STAG2: variants seen among roughly 807,000 people sequenced by gnomAD.
The protein encoded by STAG2 is cohesin subunit SA-2.
Under a neutral mutation model 108.1 loss-of-function variants are expected in STAG2, and 14 were observed. The ratio of observed to expected loss-of-function variants is 0.13; its 90% confidence interval spans 0.09 to 0.20. The LOEUF (loss-of-function observed/expected upper bound fraction) is 0.20. Ranked by LOEUF, STAG2 falls within the 10% of genes least tolerant of loss-of-function variation. The probability of loss-of-function intolerance (pLI) is 1.00; values close to 1 mark genes in which losing one functional copy is unlikely to be tolerated. For missense variants in STAG2, 440 were observed against 940.9 expected (o/e 0.47, Z 6.96); for synonymous variants, 307 against 302.7 (o/e 1.01, Z -0.15).
In STAG2 at chrX:123,968,765, AACTT is replaced by A. The variant is rs764071914; in HGVS notation, c.-163+6911_-163+6914del. Reference sequence around the variant, plus strand: ...TTTTGAAACCTGAAGCATTCTAAGAAACTTAATTTAACTGCTATTTAAGTTCCTA... The same window carrying A: ...TTTTGAAACCTGAAGCATTCTAAGAAAATTTAACTGCTATTTAAGTTCCTA... On this transcript the variant is annotated intron_variant, in intron 1 of 34. Coordinates refer to ENST00000371145, the MANE Select transcript of STAG2 (RefSeq NM_001042750.2). Among the ~76,000 whole-genome samples the A allele has an allele frequency of 6.1e-3, 685 of 112,602 alleles. 8 individuals carry two copies. The highest frequency in any genetic ancestry group is 0.021 in the African/African-American group (652 of 30,987).
chrX:123,982,592 G>A (rs897716926), intron 1 of STAG2, among the ~76,000 whole-genome samples: 6 of 110,894 alleles, frequency 5.4e-5, no homozygotes, highest in African/African-American at 2.0e-4. Context: ...TCACCATGTT[G>A]GCCAGGCTGG....
At chrX:124,043,895 G>A (rs536274663) in intron 7 of STAG2, among the ~76,000 whole-genome samples, 6 of 111,454 alleles carry the variant, frequency 5.4e-5, no homozygotes, top group African/African-American at 2.0e-4. Context: ...CTTCAAGGAA[G>A]GGATTTGGGT....
intron 1 of STAG2, among the ~76,000 whole-genome samples, chrX:123,974,576 T>C: frequency 1.1e-5 from 1 of 94,198 alleles, no homozygotes; most frequent in East Asian, 3.9e-4. Context: ...GTTGATACCT[T>C]CTTTTTTTTT....
intron 1 of STAG2, among the ~76,000 whole-genome samples, chrX:123,966,397 G>T (rs1205920526): frequency 1.8e-5 from 2 of 109,918 alleles, no homozygotes; most frequent in Non-Finnish European, 3.8e-5. Flanking sequence ...GGGAGGCAGA[G>T]GTTGCAGTGA....
intron 1 of STAG2, among the ~76,000 whole-genome samples, chrX:123,993,928 G>A (rs1355388109): frequency 9.0e-6 from 1 of 111,611 alleles, no homozygotes; most frequent in Non-Finnish European, 1.9e-5. Context: ...TAGGCATTAT[G>A]GGGGAGTTAC....
At chrX:124,033,006 TA>T (rs2057394955) in intron 5 of STAG2, among the ~76,000 whole-genome samples, 1 of 112,594 alleles carries the variant, frequency 8.9e-6, no homozygotes, top group African/African-American at 3.2e-5. Context: ...AAATACTTGT[TA>T]ATTGTTTGAG....
chrX:123,999,917 GTTTTTTTTT>G (rs1227997327), intron 1 of STAG2, among the ~76,000 whole-genome samples: 1 of 101,966 alleles, frequency 9.8e-6, no homozygotes, highest in African/African-American at 3.6e-5. Context: ...CCCGGCCATA[GTTTTTTTTT>G]TTTTTTATTT....
Position 124,051,326 on chromosome X carries a change from G to A in STAG2, c.1128G>A (p.Val376=), listed in dbSNP as rs1195054557. The A allele has an allele frequency of 5.0e-6, 6 of 1,199,921 alleles. No individual in the cohort carries two copies. The highest frequency in any genetic ancestry group is 6.7e-6 in the Non-Finnish European group (6 of 888,999). The change falls in exon 13 of 35, where the codon GTG becomes GTA. Residue 376 remains valine, a synonymous_variant. Coordinates refer to ENST00000371145, the MANE Select transcript of STAG2 (RefSeq NM_001042750.2). ...TTTTTTGTCCTTAGGATAGAATTGT[G>A]TCTATGACCCTTGACAAAGAATATG... The part of the protein sequence containing the change: ...LFTSRFKDRI[V]SMTLDKEYDV...
intron 1 of STAG2, among the ~76,000 whole-genome samples, chrX:124,018,073 T>G (rs10284108): frequency 2.9e-4 from 33 of 111,899 alleles, no homozygotes; most frequent in African/African-American, 1.0e-3. Context: ...GCTGGATAGG[T>G]TTTTTTCCCA....
upstream of STAG2, chrX:123,961,478 A>T (rs1602587912): frequency 2.9e-5 from 2 of 69,657 alleles, no homozygotes; most frequent in South Asian, 1.5e-3. Flanking sequence ...GAAAGCCGGG[A>T]GGCTGTGGTT....
At chrX:124,013,380 G>A (rs895331600) in intron 1 of STAG2, among the ~76,000 whole-genome samples, 1 of 110,957 alleles carries the variant, frequency 9.0e-6, no homozygotes, top group African/African-American at 3.3e-5. Flanking sequence ...ACTGTAGAAT[G>A]TGGTATTCAG....
rs1016692201 is a variant in STAG2 at position 123,983,300 on chromosome X, T to C, written c.-163+21444T>C. On this transcript the variant is annotated intron_variant, in intron 1 of 34. Transcript: ENST00000371145. The stretch of plus-strand genomic sequence containing the variant: ...GAGTTTGTGTATTTTGTAATGTCTG[T>C]TCACCTTATTTGTGGTTCTCCTAGT... Among the ~76,000 whole-genome samples the C allele has an allele frequency of 7.2e-5, 8 of 110,940 alleles. 2 individuals are homozygous for C. The South Asian group carries it at 3.0e-3, about 42-fold the overall frequency.
chrX:124,053,125 C>G (rs2058092509), intron 13 of STAG2, among the ~76,000 whole-genome samples: 1 of 112,134 alleles, frequency 8.9e-6, no homozygotes, highest in Non-Finnish European at 1.9e-5. Context: ...CCAAGATTTC[C>G]AATTTCTGTA....
intron 6 of STAG2, 47 bp from the exon 7 acceptor site, chrX:124,042,521 AT>A: frequency 1.0e-6 from 1 of 966,435 alleles, no homozygotes; most frequent in Non-Finnish European, 1.5e-6. Flanking sequence ...AGTTTTCTTT[AT>A]TTTTTTATCA....
chrX:124,023,327 T>G (rs1158753405), intron 3 of STAG2, among the ~76,000 whole-genome samples: 1 of 111,715 alleles, frequency 9.0e-6, no homozygotes, highest in Non-Finnish European at 1.9e-5. Flanking sequence ...CTGTATTTTT[T>G]ATTAGGATCT....
intron 1 of STAG2, among the ~76,000 whole-genome samples, chrX:124,005,333 T>G (rs1010888656): frequency 1.8e-5 from 2 of 111,694 alleles, no homozygotes; most frequent in Non-Finnish European, 3.8e-5. Flanking sequence ...TATAATTCTA[T>G]GCAGTTTTAT....
At chrX:124,030,886 C>T in intron 4 of STAG2, 75 bp from the exon 5 acceptor site, 1 of 1,040,635 alleles carries the variant, frequency 9.6e-7, no homozygotes. Context: ...ACCCTATCAG[C>T]TACTTCTACT....
At chrX:124,011,001 A>G (rs1463414320) in intron 1 of STAG2, among the ~76,000 whole-genome samples, 1 of 111,520 alleles carries the variant, frequency 9.0e-6, no homozygotes, top group Non-Finnish European at 1.9e-5. Context: ...GGACTTCATG[A>G]TAATATTAAG....
At chrX:124,072,904 C>CTTTT (rs779996801) in intron 25 of STAG2, among the ~76,000 whole-genome samples, 1,098 of 72,079 alleles carry the variant, frequency 0.015, 3 homozygotes, top group African/African-American at 0.021. Flanking sequence ...TTCTTTCTTT[C>CTTTT]TTTTTTTTTT....
Sources: allele counts gnomAD v4.1 joint callset (sites outside exome capture counted in the v4.1 genomes callset), GRCh38; gene constraint gnomAD v4.1.1; transcripts MANE v1.5; gene names NCBI Gene and HGNC (gene_info 2026-07-23, HGNC 2026-07-21).